The following IPO8 variants were observed in gnomAD, a reference collection of about 807,000 sequenced individuals.
The protein encoded by IPO8 is importin 8.
A neutral mutation model predicts 141.2 loss-of-function variants in IPO8; 65 were observed. That is an observed-to-expected ratio of 0.46 (90% confidence interval 0.38 to 0.57). The LOEUF is 0.57. Among genes scored for constraint, IPO8 ranks in the 20% least tolerant of loss-of-function variants. IPO8 has a pLI of 0.00. For missense variants in IPO8, 980 were observed against 1,246.8 expected (o/e 0.79, Z 3.22); for synonymous variants, 411 against 420.3 (o/e 0.98, Z 0.27).
intron 3 of IPO8, 119 bp from the exon 4 acceptor site, chr12:30,681,936 A>G (rs1003318300): frequency 8.0e-6 from 6 of 754,124 alleles, no homozygotes; most frequent in Admixed American, 3.5e-5. Flanking sequence ...ATATACTTAC[A>G]TATGTGGGGT....
At chr12:30,690,826 A>G (rs979088300) in intron 1 of IPO8, among the ~76,000 whole-genome samples, 4 of 152,242 alleles carry the variant, frequency 2.6e-5, no homozygotes, top group African/African-American at 9.6e-5. Flanking sequence ...AATGGTCTCC[A>G]GAAGTAGTAT....
intron 5 of IPO8, among the ~76,000 whole-genome samples, chr12:30,678,352 G>A (rs1403016635): frequency 1.3e-5 from 2 of 152,074 alleles, no homozygotes; most frequent in East Asian, 3.9e-4. Flanking sequence ...ACCCTATACA[G>A]GAGTGCTTTT....
intron 10 of IPO8, among the ~76,000 whole-genome samples, chr12:30,667,262 A>G (rs1350215699): frequency 1.3e-5 from 2 of 152,112 alleles, no homozygotes; most frequent in Non-Finnish European, 2.9e-5. Flanking sequence ...TATTATCATC[A>G]CCCGTTTGAC....
At chr12:30,667,298 G>A (rs1270462457) in intron 10 of IPO8, among the ~76,000 whole-genome samples, 1 of 152,072 alleles carries the variant, frequency 6.6e-6, no homozygotes, top group Non-Finnish European at 1.5e-5. Context: ...ATTTTAGAGA[G>A]GTTAAGTAAC....
chr12:30,648,105 T>G (rs2052674145), intron 20 of IPO8, among the ~76,000 whole-genome samples: 1 of 152,192 alleles, frequency 6.6e-6, no homozygotes, highest in Admixed American at 6.5e-5. Flanking sequence ...TGAAAACATA[T>G]TCACACAAAA....
At chr12:30,638,102 G>T (rs4143103) in intron 21 of IPO8, among the ~76,000 whole-genome samples, 98,421 of 151,854 alleles carry the variant, frequency 0.65, 33,279 homozygotes, top group African/African-American at 0.84. Context: ...GCAGAAAAGA[G>T]GATTATCAAG....
chr12:30,684,280 C>T (rs1470765495), intron 3 of IPO8, 21 bp downstream of exon 3: 2 of 1,609,910 alleles, frequency 1.2e-6, no homozygotes, highest in Non-Finnish European at 1.7e-6. Context: ...CTAGTAATCA[C>T]AAATATATAG....
intron 12 of IPO8, 27 bp from the exon 13 acceptor site, chr12:30,665,336 C>A: frequency 7.6e-7 from 1 of 1,309,910 alleles, no homozygotes; most frequent in South Asian, 1.2e-5. Flanking sequence ...TTCAACTTAT[C>A]AATTTCTTTT....
At chr12:30,673,531 T>C (rs952512930) in intron 8 of IPO8, among the ~76,000 whole-genome samples, 4 of 152,310 alleles carry the variant, frequency 2.6e-5, no homozygotes, top group South Asian at 2.1e-4. Context: ...CAAACTTCCA[T>C]AGAAATGTTT....
At chr12:30,660,146 C>T (rs1342754345) in intron 16 of IPO8, among the ~76,000 whole-genome samples, 1 of 152,062 alleles carries the variant, frequency 6.6e-6, no homozygotes. Context: ...TTGCTTGAAC[C>T]CGGAAGGTGG....
At chr12:30,662,228 C>CATTTGT in intron 15 of IPO8, 99 bp downstream of exon 15, 1 of 899,154 alleles carries the variant, frequency 1.1e-6, no homozygotes. Flanking sequence ...TGTTAAGCAG[C>CATTTGT]ACATGACTGT....
chr12:30,637,023 T>C lies in IPO8; in HGVS notation c.2654A>G (p.Glu885Gly). 6.2e-7 allele frequency: 1 copy of C among 1,614,088 alleles called. No individual in the cohort carries two copies. Among genetic ancestry groups the C allele is most frequent in the Non-Finnish European group, 8.5e-7 (1 of 1,179,960 alleles). ...AGCTTTCTCTGCTTTTGAACGATCT[T>C]CCCGGTTTACCAGTTGTCTAGTAGC... ...VCATRQLVNR[E>G]DRSKAEKADM... Residue 885 changes from glutamate to glycine, a missense_variant, in exon 22 of 25, where the codon GAA (glutamate) becomes GGA (glycine). Physicochemically the swap from Glu to Gly is moderately conservative, Grantham distance 98. Around this residue, in one of 3 missense-constraint regions of IPO8, gnomAD observed 924 missense variants for 1,153.9 expected, o/e 0.80. Transcript: ENST00000256079.
intron 2 of IPO8, among the ~76,000 whole-genome samples, chr12:30,689,729 T>C (rs2053273737): frequency 6.6e-6 from 1 of 152,228 alleles, no homozygotes; most frequent in Non-Finnish European, 1.5e-5. Context: ...TGATGAGTAA[T>C]GATGGCCATT....
intron 10 of IPO8, 26 bp from the exon 11 acceptor site, chr12:30,666,277 T>C (rs376652643): frequency 6.8e-6 from 10 of 1,475,970 alleles, no homozygotes; most frequent in East Asian, 2.3e-5. Context: ...GTTAAAACCA[T>C]GTTAGTGAAA....
At chr12:30,683,264 T>C (rs183395024) in intron 3 of IPO8, among the ~76,000 whole-genome samples, 66 of 152,270 alleles carry the variant, frequency 4.3e-4, no homozygotes, top group African/African-American at 1.3e-3. Flanking sequence ...ATAATAGTGA[T>C]TTTTTCTTTT....
intron 5 of IPO8, chr12:30,677,077 T>C (rs1467337362): frequency 5.3e-6 from 8 of 1,519,278 alleles, no homozygotes; most frequent in Non-Finnish European, 6.2e-6. Flanking sequence ...AGAAGACGGA[T>C]ATTGCCTCCA....
chr12:30,681,925 T>A, intron 3 of IPO8, 108 bp from the exon 4 acceptor site: 1 of 875,718 alleles, frequency 1.1e-6, no homozygotes, highest in Non-Finnish European at 1.7e-6. Context: ...TTACGTGTAT[T>A]ATATACTTAC....
intron 20 of IPO8, among the ~76,000 whole-genome samples, chr12:30,646,747 A>T (rs1305993517): frequency 6.6e-6 from 1 of 152,180 alleles, no homozygotes. Flanking sequence ...AAAATATATA[A>T]AAATATTTTA....
At chr12:30,682,338 C>A (rs2053197459) in intron 3 of IPO8, among the ~76,000 whole-genome samples, 1 of 152,058 alleles carries the variant, frequency 6.6e-6, no homozygotes, top group Non-Finnish European at 1.5e-5. Flanking sequence ...TGAATCTATC[C>A]AAAGCAGTCT....
Sources: gnomAD v4.1 joint callset for allele counts (sites outside exome capture counted in the v4.1 genomes callset) on GRCh38, gnomAD v4.1.1 for gene constraint, gnomAD v4.1.1 regional missense constraint, MANE v1.5 for transcripts, NCBI Gene and HGNC (gene_info 2026-07-23, HGNC 2026-07-21) for gene names.